Variants in CTIF observed in about 807,000 individuals in gnomAD.
The protein encoded by CTIF is CBP80/20-dependent translation initiation factor.
In CTIF, 21 loss-of-function variants were observed where a neutral mutation model predicts 66.0. The ratio of observed to expected loss-of-function variants is 0.32; its 90% CI spans 0.23 to 0.46. The LOEUF (loss-of-function observed/expected upper bound fraction) is 0.46, where lower values mean the gene tolerates loss of function less well. Ranked by LOEUF, CTIF falls within the 20% of genes least tolerant of loss-of-function variation. The probability of loss-of-function intolerance (pLI) is 1.00; values close to 1 mark genes in which losing one functional copy is unlikely to be tolerated. For missense variants in CTIF, 739 were observed against 812.7 expected (o/e 0.91, Z 1.10); for synonymous variants, 345 against 326.4 (o/e 1.06, Z -0.62).
chr18:48,553,969 G>A (rs913624733), intron 1 of CTIF, among the ~76,000 whole-genome samples: 3 of 152,010 alleles, frequency 2.0e-5, no homozygotes, highest in African/African-American at 4.8e-5. Context: ...GATTCTCTGC[G>A]GCCCACTCAT....
At chr18:48,789,730 C>T (rs970169877) in intron 9 of CTIF, among the ~76,000 whole-genome samples, 3 of 152,194 alleles carry the variant, frequency 2.0e-5, no homozygotes, top group Non-Finnish European at 4.4e-5. Context: ...TATATGGAAA[C>T]TCAAACCTAC....
intron 6 of CTIF, among the ~76,000 whole-genome samples, chr18:48,708,799 G>A (rs962117357): frequency 2.0e-5 from 3 of 152,210 alleles, no homozygotes; most frequent in African/African-American, 7.2e-5. Flanking sequence ...ACCAGGCACT[G>A]TGCAGATTCT....
At chr18:48,846,659 GTGGA>G (rs141622294) in intron 10 of CTIF, among the ~76,000 whole-genome samples, 9,869 of 147,560 alleles carry the variant, frequency 0.067, 669 homozygotes, top group East Asian at 0.41. Flanking sequence ...GGATGGGTGG[GTGGA>G]TGGATGGATG....
chr18:48,569,882 C>T lies in CTIF; in HGVS notation c.-29+30570C>T, dbSNP rs377039274. Among the ~76,000 whole-genome samples, 186 of 152,318 alleles carry T rather than the reference C, an allele frequency of 1.2e-3. 1 individual carries two copies. The highest frequency in any genetic ancestry group is 6.8e-3 in the Middle Eastern group (2 of 294). Reference sequence around the variant, plus strand: ...CTGTCCTAGGACACAGCATTGGCTTCGATCTATTCCAGCAGCAATCTTACC... The same window carrying T: ...CTGTCCTAGGACACAGCATTGGCTTTGATCTATTCCAGCAGCAATCTTACC... On this transcript the variant is annotated intron_variant, in intron 1 of 11. Transcript: ENST00000256413.
chr18:48,631,390 C>G (rs2090710167), intron 2 of CTIF, among the ~76,000 whole-genome samples: 2 of 151,500 alleles, frequency 1.3e-5, no homozygotes, highest in South Asian at 4.1e-4. Context: ...TGCTTGAGCC[C>G]CAGAGGGGAA....
In CTIF at chr18:48,859,557, T is replaced by TGACA. The variant is rs765187248; in HGVS notation, c.1797_*3dup. On this transcript the variant is annotated frameshift_variant and stop_retained_variant, in exon 12 of 12. Transcript: ENST00000256413. LOFTEE classifies it high-confidence loss of function. ...CAGAACCATCCAGAAACTGACAGCC[T>TGACA]GACAGCCAGGGGGCCTGGCAGGCGG... 1 of 1,613,780 alleles carries TGACA rather than the reference T, an allele frequency of 6.2e-7. No homozygotes were observed. Among genetic ancestry groups the TGACA allele is most frequent in the Non-Finnish European group, 8.5e-7 (1 of 1,179,952 alleles).
At chr18:48,608,532 A>G (rs1026503674) in intron 1 of CTIF, among the ~76,000 whole-genome samples, 2 of 152,088 alleles carry the variant, frequency 1.3e-5, no homozygotes, top group African/African-American at 4.8e-5. Context: ...AGTGGCTGCT[A>G]TGAGCATTCT....
intron 1 of CTIF, among the ~76,000 whole-genome samples, chr18:48,578,802 T>G (rs2089590730): frequency 6.6e-6 from 1 of 152,266 alleles, no homozygotes; most frequent in Non-Finnish European, 1.5e-5. Context: ...GTCTTTTTAC[T>G]TGATGATTTG....
intron 2 of CTIF, among the ~76,000 whole-genome samples, chr18:48,628,009 G>A (rs377284662): frequency 1.3e-5 from 2 of 152,166 alleles, no homozygotes; most frequent in African/African-American, 2.4e-5. Context: ...CTTGCTGCAG[G>A]GGAGAGGCAA....
intron 9 of CTIF, among the ~76,000 whole-genome samples, chr18:48,779,662 G>A (rs974595001): frequency 1.3e-5 from 2 of 152,196 alleles, no homozygotes; most frequent in Non-Finnish European, 2.9e-5. Flanking sequence ...GCTTAGCAGC[G>A]GGCTTGGGTC....
intron 10 of CTIF, among the ~76,000 whole-genome samples, chr18:48,845,842 C>T (rs2069058984): frequency 6.6e-6 from 1 of 152,176 alleles, no homozygotes; most frequent in South Asian, 2.1e-4. Flanking sequence ...TCTTCTACCT[C>T]ATCCTTTTCC....
chr18:48,639,174 G>C (rs941243128), intron 3 of CTIF, among the ~76,000 whole-genome samples: 6 of 152,230 alleles, frequency 3.9e-5, no homozygotes, highest in African/African-American at 1.4e-4. Flanking sequence ...CAGAATGCTG[G>C]GTTTGCCTGA....
At chr18:48,854,841 C>T (rs11660070) in intron 10 of CTIF, among the ~76,000 whole-genome samples, 46,102 of 152,062 alleles carry the variant, frequency 0.3, 8,611 homozygotes, top group African/African-American at 0.53. Flanking sequence ...GAGGATTGCT[C>T]GAGCCTAAGA....
chr18:48,556,853 C>T (rs946984107), intron 1 of CTIF, among the ~76,000 whole-genome samples: 3 of 151,806 alleles, frequency 2.0e-5, no homozygotes, highest in Non-Finnish European at 4.4e-5. Context: ...GTGTGAACCT[C>T]CATGTCCAGC....
At chr18:48,819,441 G>A (rs746686345) in intron 10 of CTIF, among the ~76,000 whole-genome samples, 2 of 152,222 alleles carry the variant, frequency 1.3e-5, no homozygotes, top group South Asian at 2.1e-4. Flanking sequence ...TTCCCTCTGC[G>A]TGATCTGGAC....
chr18:48,564,021 A>C (rs371303047), intron 1 of CTIF, among the ~76,000 whole-genome samples: 2 of 152,160 alleles, frequency 1.3e-5, no homozygotes, highest in East Asian at 1.9e-4. Flanking sequence ...TCTGGGGGAA[A>C]GGCTGCTCTC....
In CTIF at chr18:48,753,457, G is replaced by A. The variant is rs373548116; in HGVS notation, c.585-4462G>A. Among the ~76,000 whole-genome samples, 21 of 152,286 alleles carry A rather than the reference G, an allele frequency of 1.4e-4. 1 individual carries two copies. In the South Asian group the frequency reaches 3.9e-3, roughly 29 times the overall value. On this transcript the variant is annotated intron_variant, in intron 7 of 11. Transcript: ENST00000256413. The stretch of plus-strand genomic sequence containing the variant: ...TACACCCACCTCCCAAAATGCAGCT[G>A]TGGTGTTCCGAGAACATTTTTGTCT...
intron 3 of CTIF, among the ~76,000 whole-genome samples, chr18:48,651,369 A>G (rs2091153250): frequency 6.6e-6 from 1 of 152,214 alleles, no homozygotes; most frequent in African/African-American, 2.4e-5. Flanking sequence ...AACAGACTTT[A>G]AACCAACAAA....
intron 1 of CTIF, among the ~76,000 whole-genome samples, chr18:48,572,594 A>G (rs1006932021): frequency 1.2e-4 from 19 of 152,120 alleles, no homozygotes; most frequent in African/African-American, 4.6e-4. Context: ...TCCTAACCCC[A>G]TGGGAGTTAA....
Sources: gnomAD v4.1 joint callset for allele counts (sites outside exome capture counted in the v4.1 genomes callset) on GRCh38, gnomAD v4.1.1 for gene constraint, MANE v1.5 for transcripts, NCBI Gene and HGNC (gene_info 2026-07-23, HGNC 2026-07-21) for gene names.